SOX11: variants seen among roughly 807,000 people sequenced by gnomAD.
SOX11 encodes the protein transcription factor SOX-11.
SOX11 carries 5 observed loss-of-function variants against 16.7 expected under a neutral mutation model. That is an observed-to-expected ratio of 0.30 (90% CI 0.16 to 0.63). The LOEUF (loss-of-function observed/expected upper bound fraction) is 0.63, where lower values mean the gene tolerates loss of function less well. Ranked by LOEUF, SOX11 falls within the 20% of genes least tolerant of loss-of-function variation. The probability of loss-of-function intolerance (pLI) is 0.82; values close to 1 mark genes in which losing one functional copy is unlikely to be tolerated. For missense variants in SOX11, 492 were observed against 641.5 expected, an observed-to-expected ratio of 0.77 and a Z score of 2.52; for synonymous variants, 363 against 298.8, an observed-to-expected ratio of 1.21 and a Z score of -2.22.
In SOX11 at chr2:5,694,053, G is replaced by C. The variant is rs1371054777; in HGVS notation, c.*6G>C. ...ACCTGGTGTTCACATATTGAAAGGC[G>C]CCCGCTGCTCGCTCTTTCTCTCGGA... On this transcript the variant is annotated 3_prime_UTR_variant, in exon 1 of 1. Transcript: ENST00000322002. 1.3e-6 allele frequency: 2 copies of C among 1,546,068 alleles called. No homozygotes were observed. Among genetic ancestry groups the C allele is most frequent in the Non-Finnish European group, 8.7e-7 (1 of 1,144,210 alleles).
rs1362277218 is a variant in SOX11 at position 5,698,527 on chromosome 2, A to C, written c.*4480A>C. Reference sequence around the variant, plus strand: ...TGTGGAAGTAATTTCCAGTTCTTACACTCTGATACGCATCCCTTTTATTTA... The same window carrying C: ...TGTGGAAGTAATTTCCAGTTCTTACCCTCTGATACGCATCCCTTTTATTTA... On this transcript the variant is annotated 3_prime_UTR_variant, in exon 1 of 1. Coordinates refer to ENST00000322002, the MANE Select transcript of SOX11 (RefSeq NM_003108.4). The C allele has an allele frequency of 3.2e-4, 53 of 164,364 alleles. No individual in the cohort carries two copies. The allele number at this position is 164,364 out of a possible 1,614,324, so 10.2% of individuals were successfully genotyped here.
chr2:5,692,749 G>A lies in SOX11; in HGVS notation c.28G>A (p.Ala10Thr). The A allele has an allele frequency of 6.2e-7, 1 of 1,603,322 alleles. No individual in the cohort carries two copies. Among genetic ancestry groups the A allele is most frequent in the East Asian group, 2.2e-5 (1 of 44,674 alleles). Residue 10 changes from alanine to threonine, a missense_variant, in exon 1 of 1, where the codon GCG (alanine) becomes ACG (threonine). Transcript: ENST00000322002. MVQQAESLE[A>T]ESNLPREALD... Reference sequence around the variant, plus strand: ...GGTGCAGCAGGCGGAGAGCTTGGAAGCGGAGAGCAACCTGCCCCGGGAGGC... The same window carrying A: ...GGTGCAGCAGGCGGAGAGCTTGGAAACGGAGAGCAACCTGCCCCGGGAGGC...
In SOX11 at chr2:5,694,310, T is replaced by G. The variant is rs570119459; in HGVS notation, c.*263T>G. 1.4e-5 allele frequency: 7 copies of G among 487,610 alleles called. No individual in the cohort carries two copies. Among genetic ancestry groups the G allele is most frequent in the African/African-American group, 1.2e-4 (6 of 49,514 alleles). The allele number at this position is 487,610 out of a possible 1,614,324, so 30.2% of individuals were successfully genotyped here. On this transcript the variant is annotated 3_prime_UTR_variant, in exon 1 of 1. Coordinates refer to ENST00000322002, the MANE Select transcript of SOX11 (RefSeq NM_003108.4). ...TTAAACATTTTTCCTGTCCTTTTTT[T>G]GTCCCCCCTCCCTTCCTTTATCGTG...
In SOX11 at chr2:5,694,866, T is replaced by G. The variant is rs1665702709; in HGVS notation, c.*819T>G. On this transcript the variant is annotated 3_prime_UTR_variant, in exon 1 of 1. Coordinates refer to ENST00000322002, the MANE Select transcript of SOX11 (RefSeq NM_003108.4). ...TGTTTATGGTTTTACAAATGTGATT[T>G]CTACTTGCCAACTTTTTTTTTGTAA... is the stretch of plus-strand genomic sequence containing the variant. 1 of 166,348 alleles carries G rather than the reference T, an allele frequency of 6.0e-6. No individual in the cohort carries two copies. Among genetic ancestry groups the G allele is most frequent in the African/African-American group, 2.4e-5 (1 of 41,394 alleles). 10.3% of individuals were successfully genotyped at this position (166,348 alleles called of 1,614,324 possible).
Position 5,696,087 on chromosome 2 carries a change from C to A in SOX11, c.*2040C>A, listed in dbSNP as rs1341243474. 1 of 166,338 alleles carries A rather than the reference C, an allele frequency of 6.0e-6. No homozygotes were observed. Among genetic ancestry groups the A allele is most frequent in the Non-Finnish European group, 1.5e-5 (1 of 68,168 alleles). 10.3% of individuals were successfully genotyped at this position (166,338 alleles called of 1,614,324 possible). ...CCCCGCTGAGCCTCGCGGTGACAGC[C>A]GCCTTTGGCAGCGAGCGCTCGGGGC... On this transcript the variant is annotated 3_prime_UTR_variant, in exon 1 of 1. Transcript: ENST00000322002.
Position 5,693,706 on chromosome 2 carries a change from C to T in SOX11, c.985C>T (p.Pro329Ser). 1 of 1,599,816 alleles carries T rather than the reference C, an allele frequency of 6.3e-7. No homozygotes were observed. ...GCAGCACCCGCCGCCGCTCGCGCAG[C>T]CCGCGCTGTCGCCCGCGTCCTCGCG... ...TKQHPPPLAQ[P>S]ALSPASSRSV... The change falls in exon 1 of 1, where the codon CCC becomes TCC. Residue 329 changes from proline (P) to serine (S), a missense_variant. This residue lies in a region of SOX11 where 389 missense variants were observed against 389.0 expected (regional missense o/e 1.00). Coordinates refer to ENST00000322002, the MANE Select transcript of SOX11 (RefSeq NM_003108.4). This position sits in a 1 kb window ranked among gnomAD's most constrained non-coding sequence, Gnocchi z 8.6.
Position 5,693,512 on chromosome 2 carries a change from C to T in SOX11, c.791C>T (p.Ser264Leu). The stretch of plus-strand genomic sequence containing the variant: ...CTGCAGCCGCCGGGGCAGCAGCCGT[C>T]GCAGCTGCTGAGACGCTACAACGTC... ...QLLQPPGQQP[S>L]QLLRRYNVAK... is the part of the protein sequence containing the mutation. The change falls in exon 1 of 1, where the codon TCG (serine) becomes TTG (leucine). Residue 264 changes from serine to leucine, a missense_variant. By Grantham distance (145) the Ser-to-Leu change is moderately radical (BLOSUM62 -2). Transcript: ENST00000322002. This position sits in a 1 kb window ranked among gnomAD's most constrained non-coding sequence, Gnocchi z 8.6. The T allele has an allele frequency of 6.3e-7, 1 of 1,575,442 alleles. No homozygotes were observed. Among genetic ancestry groups the T allele is most frequent in the Non-Finnish European group, 8.6e-7 (1 of 1,168,146 alleles).
In SOX11 at chr2:5,692,571, A is replaced by T; in HGVS notation, c.-151A>T. On this transcript the variant is annotated 5_prime_UTR_variant, in exon 1 of 1. Transcript: ENST00000322002. ...ACCACAGCCGCTGTGTGCAGCCTGG[A>T]AGGGGGGGCGGGGGGGAGGGGGGGA... 6.0e-6 allele frequency: 3 copies of T among 500,316 alleles called. No homozygotes were observed. Among genetic ancestry groups the T allele is most frequent in the Non-Finnish European group, 9.7e-6 (3 of 309,566 alleles). 31.0% of individuals were successfully genotyped at this position (500,316 alleles called of 1,614,324 possible).
rs1180438979 is a variant in SOX11 at position 5,696,300 on chromosome 2, G to A, written c.*2253G>A. 6.0e-6 allele frequency: 1 copy of A among 167,786 alleles called. No homozygotes were observed. Among genetic ancestry groups the A allele is most frequent in the African/African-American group, 2.4e-5 (1 of 41,494 alleles). 10.4% of individuals were successfully genotyped at this position (167,786 alleles called of 1,614,324 possible). A position where few individuals can be genotyped will look rare whatever the true frequency, so the allele number is the denominator to read the frequency against. ...AGAGGAAAGGAGAGAAGTGGTCGGT[G>A]TCTGTTTCCTTCTGTCCCCCGGGGC... On this transcript the variant is annotated 3_prime_UTR_variant, in exon 1 of 1. Transcript: ENST00000322002.
chr2:5,692,784 G>A lies in SOX11; in HGVS notation c.63G>A (p.Thr21=), dbSNP rs139885563. 17 of 1,612,286 alleles carry A rather than the reference G, an allele frequency of 1.1e-5. No individual in the cohort carries two copies. Among genetic ancestry groups the A allele is most frequent in the Non-Finnish European group, 1.4e-5 (17 of 1,178,882 alleles). ...ESNLPREALD[T]EEGEFMACSP... ...ACCTGCCCCGGGAGGCGCTGGACAC[G>A]GAGGAGGGCGAATTCATGGCTTGCA... The change falls in exon 1 of 1, where the codon ACG becomes ACA. Residue 21 remains threonine (T), a synonymous_variant. Coordinates refer to ENST00000322002, the MANE Select transcript of SOX11 (RefSeq NM_003108.4).
chr2:5,697,543 C>G lies in SOX11; in HGVS notation c.*3496C>G, dbSNP rs1422838233. On this transcript the variant is annotated 3_prime_UTR_variant, in exon 1 of 1. Transcript: ENST00000322002. ...CTCCCCAGCCCCCACCCCTGGGATG[C>G]GAAGCCAGCAAGCTTTTGCTGCAGA... 1 of 164,308 alleles carries G rather than the reference C, an allele frequency of 6.1e-6. No individual in the cohort carries two copies. Among genetic ancestry groups the G allele is most frequent in the Non-Finnish European group, 1.5e-5 (1 of 67,656 alleles). 10.2% of individuals were successfully genotyped at this position (164,308 alleles called of 1,614,324 possible).
At position 5,694,312 on chromosome 2, in the gene SOX11, TC is replaced by T; in HGVS notation, c.*271del. 4.2e-6 allele frequency: 2 copies of T among 477,170 alleles called. No individual in the cohort carries two copies. The highest frequency in any genetic ancestry group is 3.7e-6 in the Non-Finnish European group (1 of 267,352). The allele number at this position is 477,170 out of a possible 1,614,324, so 29.6% of individuals were successfully genotyped here. On this transcript the variant is annotated 3_prime_UTR_variant, in exon 1 of 1. Transcript: ENST00000322002. ...AAACATTTTTCCTGTCCTTTTTTTG[TC>T]CCCCCTCCCTTCCTTTATCGTGTCT...
rs1665807964 is a variant in SOX11 at position 5,700,034 on chromosome 2, A to G, written c.*5987A>G. 6.0e-6 allele frequency: 1 copy of G among 167,116 alleles called. No individual in the cohort carries two copies. Among genetic ancestry groups the G allele is most frequent in the Non-Finnish European group, 1.5e-5 (1 of 68,126 alleles). 10.4% of individuals were successfully genotyped at this position (167,116 alleles called of 1,614,324 possible). On this transcript the variant is annotated 3_prime_UTR_variant, in exon 1 of 1. Transcript: ENST00000322002. ...GGGTAGAGATATTCTTACAAGATCT[A>G]GCACCTCTGCCAGTGCACAGATAGG...
Position 5,695,076 on chromosome 2 carries a change from A to C in SOX11, c.*1029A>C, listed in dbSNP as rs1665705366. On this transcript the variant is annotated 3_prime_UTR_variant, in exon 1 of 1. Coordinates refer to ENST00000322002, the MANE Select transcript of SOX11 (RefSeq NM_003108.4). Reference sequence around the variant, plus strand: ...TGTTTTTTCAGTAAGACTTTCAGGCACTTCTTCCCTTTTGATTTCTTTTTT... The same window carrying C: ...TGTTTTTTCAGTAAGACTTTCAGGCCCTTCTTCCCTTTTGATTTCTTTTTT... The C allele has an allele frequency of 4.8e-5, 8 of 166,940 alleles. No individual in the cohort carries two copies. In the Admixed American group the frequency reaches 5.2e-4, roughly 11 times the overall value. The allele number at this position is 166,940 out of a possible 1,614,324, so 10.3% of individuals were successfully genotyped here. A position where few individuals can be genotyped will look rare whatever the true frequency, so the allele number is the denominator to read the frequency against.
chr2:5,697,532 C>T lies in SOX11; in HGVS notation c.*3485C>T, dbSNP rs985744884. ...GGGCGAGCCTCCTCCCCAGCCCCCA[C>T]CCCTGGGATGCGAAGCCAGCAAGCT... On this transcript the variant is annotated 3_prime_UTR_variant, in exon 1 of 1. Coordinates refer to ENST00000322002, the MANE Select transcript of SOX11 (RefSeq NM_003108.4). 2 of 166,544 alleles carry T rather than the reference C, an allele frequency of 1.2e-5. No homozygotes were observed. Among genetic ancestry groups the T allele is most frequent in the African/African-American group, 4.8e-5 (2 of 41,382 alleles). 10.3% of individuals were successfully genotyped at this position (166,544 alleles called of 1,614,324 possible).
rs1194324425 is a variant in SOX11, at chr2:5,696,237, C to T, written c.*2190C>T. The T allele has an allele frequency of 1.2e-5, 2 of 167,522 alleles. No individual in the cohort carries two copies. The highest frequency in any genetic ancestry group is 4.8e-5 in the African/African-American group (2 of 41,588). The allele number at this position is 167,522 out of a possible 1,614,324, so 10.4% of individuals were successfully genotyped here. ...GGTGGTTGTTGGCGGAGAACGCCGC[C>T]GCAGTGTTTGACCTCTAGCGGTGAA... On this transcript the variant is annotated 3_prime_UTR_variant, in exon 1 of 1. Transcript: ENST00000322002.
chr2:5,693,497 C>A lies in SOX11; in HGVS notation c.776C>A (p.Pro259Gln). 1.3e-6 allele frequency: 2 copies of A among 1,580,144 alleles called. No homozygotes were observed. The highest frequency in any genetic ancestry group is 1.7e-6 in the Non-Finnish European group (2 of 1,170,828). ...EPPHQQLLQP[P>Q]GQQPSQLLRR... ...CCGCACCAGCAGCTCCTGCAGCCGC[C>A]GGGGCAGCAGCCGTCGCAGCTGCTG... is the stretch of plus-strand genomic sequence containing the variant. Residue 259 changes from proline to glutamine, a missense_variant, in exon 1 of 1, where the codon CCG becomes CAG. Physicochemically the swap from Pro to Gln is moderately conservative, Grantham distance 76 (BLOSUM62 -1). Around this residue, in one of 4 missense-constraint regions of SOX11, gnomAD observed 389 missense variants for 389.0 expected, o/e 1.00. Coordinates refer to ENST00000322002, the MANE Select transcript of SOX11 (RefSeq NM_003108.4). The surrounding 1 kb of genome is among the most constrained non-coding windows in gnomAD (Gnocchi z 8.6).
At position 5,693,634 on chromosome 2, in the gene SOX11, G is replaced by C. The variant is rs773641572; in HGVS notation, c.913G>C (p.Ala305Pro). Residue 305 changes from alanine (A) to proline (P), a missense_variant, in exon 1 of 1, where the codon GCC becomes CCC. This residue lies in a region of SOX11 where 389 missense variants were observed against 389.0 expected (regional missense o/e 1.00). Coordinates refer to ENST00000322002, the MANE Select transcript of SOX11 (RefSeq NM_003108.4). The surrounding 1 kb of genome is among the most constrained non-coding windows in gnomAD (Gnocchi z 8.6). ...DEVRAGATSGAGGGSRLYYSF... is the reference protein window; with the variant it reads ...DEVRAGATSGPGGGSRLYYSF... ...GGTGCGGGCCGGCGCGACCTCGGGC[G>C]CCGGGGGCGGCAGCCGCCTCTACTA... is the stretch of plus-strand genomic sequence containing the variant. 1 of 1,579,434 alleles carries C rather than the reference G, an allele frequency of 6.3e-7. No homozygotes were observed. Among genetic ancestry groups the C allele is most frequent in the South Asian group, 1.1e-5 (1 of 88,624 alleles).
Position 5,692,490 on chromosome 2 carries a change from C to A in SOX11, c.-232C>A, listed in dbSNP as rs942185093. Among the ~76,000 whole-genome samples the A allele has an allele frequency of 6.6e-6, 1 of 151,716 alleles. No homozygotes were observed. The highest frequency in any genetic ancestry group is 1.5e-5 in the Non-Finnish European group (1 of 67,918). On this transcript the variant is annotated 5_prime_UTR_variant, in exon 1 of 1. Transcript: ENST00000322002. ...GCTGCCTCGACCGCCGTCGCCACCGCCTCTCCTGTCGCGACCGCAGCTCCC... is the reference window on the plus strand; with the variant it reads ...GCTGCCTCGACCGCCGTCGCCACCGACTCTCCTGTCGCGACCGCAGCTCCC...
Sources: allele counts gnomAD v4.1 joint callset (sites outside exome capture counted in the v4.1 genomes callset), GRCh38; gene constraint gnomAD v4.1.1; regional missense constraint gnomAD v4.1.1; non-coding constraint Gnocchi (gnomAD v3.1); transcripts MANE v1.5; gene names NCBI Gene and HGNC (gene_info 2026-07-23, HGNC 2026-07-21).